The following DHH variants were observed in gnomAD, a reference collection of about 807,000 sequenced individuals.
DHH encodes the protein desert hedgehog signaling molecule.
In DHH, 16 loss-of-function variants were observed where a neutral mutation model predicts 27.6. The observed-to-expected ratio is 0.58, with a 90% CI of 0.39 to 0.88. The LOEUF is 0.88. DHH is among the 40% of genes least tolerant of loss of function. The probability of loss-of-function intolerance (pLI) is 0.00; values close to 1 mark genes in which losing one functional copy is unlikely to be tolerated. For missense variants in DHH, 436 were observed against 563.1 expected (o/e 0.77, Z 2.28); for synonymous variants, 289 against 263.4 (o/e 1.10, Z -0.94).
Position 49,091,208 on chromosome 12 carries a change from A to G in DHH, c.485T>C (p.Leu162Pro), listed in dbSNP as rs111033589. 1 of 1,614,104 alleles carries G rather than the reference A, an allele frequency of 6.2e-7. No individual in the cohort carries two copies. The highest frequency in any genetic ancestry group is 8.5e-7 in the Non-Finnish European group (1 of 1,180,044). Reference protein sequence around the residue: ...SDRDRNKYGLLARLAVEAGFD... With the variant: ...SDRDRNKYGLPARLAVEAGFD... ...GCCGGCTTCCACTGCGAGGCGCGCC[A>G]GCAACCCATACTTGTTGCGGTCGCG... Residue 162 changes from leucine to proline, a missense_variant, in exon 2 of 3, where the codon CTG (leucine) becomes CCG (proline). Coordinates refer to ENST00000649637, the MANE Select transcript of DHH (RefSeq NM_021044.4). This position sits in a 1 kb window ranked among gnomAD's most constrained non-coding sequence, Gnocchi z 4.8.
At position 49,090,431 on chromosome 12, in the gene DHH, G is replaced by T. The variant is rs776639397; in HGVS notation, c.619C>A (p.Arg207Ser). ...GGCFPGNATVRLWSGERKGLR... is the reference protein window; with the variant it reads ...GGCFPGNATVSLWSGERKGLR... ...CCTTTCCGCTCGCCGCTCCACAGGC[G>T]CACAGTTGCATTTCCCGGAAAGCAG... Residue 207 changes from arginine (R) to serine (S), a missense_variant, in exon 3 of 3, where the codon CGC becomes AGC. Transcript: ENST00000649637. This position sits in a 1 kb window ranked among gnomAD's most constrained non-coding sequence, Gnocchi z 5.2. The T allele has an allele frequency of 5.0e-6, 8 of 1,608,418 alleles. No homozygotes were observed. The highest frequency in any genetic ancestry group is 4.5e-5 in the East Asian group (2 of 44,838).
At position 49,091,721 on chromosome 12, in the gene DHH, A is replaced by G. The variant is rs1174492628; in HGVS notation, c.304-332T>C. 1.3e-5 allele frequency among the ~76,000 whole-genome samples: 2 copies of G among 152,136 alleles called. No homozygotes were observed. Among genetic ancestry groups the G allele is most frequent in the African/African-American group, 4.8e-5 (2 of 41,420 alleles). ...AGGACAGAGTTAGGAGGGCGAATGG[A>G]AGCGTGGTCAGGGAGGGCCTGGTTG... On this transcript the variant is annotated intron_variant, in intron 1 of 2. Coordinates refer to ENST00000649637, the MANE Select transcript of DHH (RefSeq NM_021044.4). The surrounding 1 kb of genome is among the most constrained non-coding windows in gnomAD (Gnocchi z 4.8).
At position 49,091,462 on chromosome 12, in the gene DHH, ATTCT is replaced by A; in HGVS notation, c.304-77_304-74del. ...AAAAGGGACCTGGATAGGAGGGTTG[ATTCT>A]TTGTTATTCCGGCCCTACTCTTACC... On this transcript the variant is annotated intron_variant, in intron 1 of 2. Coordinates refer to ENST00000649637, the MANE Select transcript of DHH (RefSeq NM_021044.4). The surrounding 1 kb of genome is among the most constrained non-coding windows in gnomAD (Gnocchi z 4.8). 6.3e-7 allele frequency: 1 copy of A among 1,578,740 alleles called. No homozygotes were observed. The highest frequency in any genetic ancestry group is 8.6e-7 in the Non-Finnish European group (1 of 1,165,124).
rs762669915 is a variant in DHH, at chr12:49,090,516, C to G, written c.566-32G>C. On this transcript the variant is annotated intron_variant, in intron 2 of 2. Coordinates refer to ENST00000649637, the MANE Select transcript of DHH (RefSeq NM_021044.4). This position sits in a 1 kb window ranked among gnomAD's most constrained non-coding sequence, Gnocchi z 5.2. Reference sequence around the variant, plus strand: ...GGAACAACCACAGGGAGGATTGAATCAAGACCAGCGGTTCCAGAACGATTC... The same window carrying G: ...GGAACAACCACAGGGAGGATTGAATGAAGACCAGCGGTTCCAGAACGATTC... 7 of 1,594,490 alleles carry G rather than the reference C, an allele frequency of 4.4e-6. No homozygotes were observed. In the East Asian group the frequency reaches 1.6e-4, roughly 36 times the overall value.
In DHH at chr12:49,088,384, C is replaced by T. The variant is rs1939240885; in HGVS notation, c.*1475G>A. ...TTCCATGTCTGAGACCGCTTGCCTT[C>T]CGTTTCAGAGAACCATATGCATAGG... is the stretch of plus-strand genomic sequence containing the variant. On this transcript the variant is annotated 3_prime_UTR_variant, in exon 3 of 3. Coordinates refer to ENST00000649637, the MANE Select transcript of DHH (RefSeq NM_021044.4). Among the ~76,000 whole-genome samples the T allele has an allele frequency of 6.6e-6, 1 of 152,200 alleles. No individual in the cohort carries two copies. Among genetic ancestry groups the T allele is most frequent in the African/African-American group, 2.4e-5 (1 of 41,440 alleles).
rs1227660853 is a variant in DHH, at chr12:49,087,525, A to G, written c.*2334T>C. 2.6e-5 allele frequency among the ~76,000 whole-genome samples: 4 copies of G among 152,308 alleles called. No homozygotes were observed. In the East Asian group the frequency reaches 5.8e-4, roughly 22 times the overall value. On this transcript the variant is annotated 3_prime_UTR_variant, in exon 3 of 3. Coordinates refer to ENST00000649637, the MANE Select transcript of DHH (RefSeq NM_021044.4). Reference sequence around the variant, plus strand: ...CAAGACCAGCCTGGGCAACGTAGCAAGACTCTGTCTCTACAGAAAATACAA... The same window carrying G: ...CAAGACCAGCCTGGGCAACGTAGCAGGACTCTGTCTCTACAGAAAATACAA...
chr12:49,089,782 T>C lies in DHH; in HGVS notation c.*77A>G. Reference sequence around the variant, plus strand: ...TCCCTCCCTTCCAGTCGGCATCGTCTGCTGCCCACAGCCCCATATCTCAGC... The same window carrying C: ...TCCCTCCCTTCCAGTCGGCATCGTCCGCTGCCCACAGCCCCATATCTCAGC... On this transcript the variant is annotated 3_prime_UTR_variant, in exon 3 of 3. Transcript: ENST00000649637. 7.0e-7 allele frequency: 1 copy of C among 1,423,790 alleles called. No individual in the cohort carries two copies. Among genetic ancestry groups the C allele is most frequent in the Non-Finnish European group, 9.2e-7 (1 of 1,084,236 alleles). 88.2% of individuals were successfully genotyped at this position (1,423,790 alleles called of 1,614,324 possible).
chr12:49,094,529 G>T lies in DHH; in HGVS notation c.-17C>A. ...GAGAGCCATGGATACAGCGGACCTCGGCCAAAAGGGAGCGTTCTTGTCCTC... is the reference window on the plus strand; with the variant it reads ...GAGAGCCATGGATACAGCGGACCTCTGCCAAAAGGGAGCGTTCTTGTCCTC... On this transcript the variant is annotated 5_prime_UTR_variant, in exon 1 of 3. Transcript: ENST00000649637. 6.4e-7 allele frequency: 1 copy of T among 1,550,672 alleles called. No homozygotes were observed. The highest frequency in any genetic ancestry group is 8.7e-7 in the Non-Finnish European group (1 of 1,147,204).
Position 49,090,100 on chromosome 12 carries a change from G to C in DHH, c.950C>G (p.Ala317Gly). Residue 317 changes from alanine to glycine, a missense_variant, in exon 3 of 3, where the codon GCG (alanine) becomes GGG (glycine). By Grantham distance (60) the Ala-to-Gly change is moderately conservative (BLOSUM62 0). Transcript: ENST00000649637. The surrounding 1 kb of genome is among the most constrained non-coding windows in gnomAD (Gnocchi z 5.2). ...GAACACGCCCACGGCTTCCTCCCGCGCCACACGGGCCACGCGCGCTGGCCG... is the reference window on the plus strand; with the variant it reads ...GAACACGCCCACGGCTTCCTCCCGCCCCACACGGGCCACGCGCGCTGGCCG... ...ALRPARVARV[A>G]REEAVGVFAP... The C allele has an allele frequency of 6.6e-7, 1 of 1,523,068 alleles. No individual in the cohort carries two copies. Among genetic ancestry groups the C allele is most frequent in the Non-Finnish European group, 8.8e-7 (1 of 1,135,656 alleles). The allele number at this position is 1,523,068 out of a possible 1,614,324, so 94.3% of individuals were successfully genotyped here.
chr12:49,094,071 C>G (rs1309605359), intron 1 of DHH, 139 bp downstream of exon 1: 1 of 972,358 alleles, frequency 1.0e-6, no homozygotes, highest in African/African-American at 1.6e-5. Flanking sequence ...GGATTTTTCC[C>G]CCCCCTGGGG....
In DHH at chr12:49,094,325, G is replaced by T; in HGVS notation, c.188C>A (p.Ala63Glu). 1 of 1,613,234 alleles carries T rather than the reference G, an allele frequency of 6.2e-7. No individual in the cohort carries two copies. The highest frequency in any genetic ancestry group is 1.1e-5 in the South Asian group (1 of 91,068). ...GGAGCCCCTTGCCACCCTCCCCTCCGCTGGCCCACTGGCGCCCAGGGTCCG... is the reference window on the plus strand; with the variant it reads ...GGAGCCCCTTGCCACCCTCCCCTCCTCTGGCCCACTGGCGCCCAGGGTCCG... ...PERTLGASGPAEGRVARGSER... is the reference protein window; with the variant it reads ...PERTLGASGPEEGRVARGSER... The change falls in exon 1 of 3, where the codon GCG becomes GAG. Residue 63 changes from alanine to glutamate, a missense_variant. Physicochemically the swap from Ala to Glu is moderately radical, Grantham distance 107. Transcript: ENST00000649637.
intron 1 of DHH, chr12:49,092,395 G>T (rs189309661): frequency 1.3e-5 from 2 of 152,474 alleles, no homozygotes; most frequent in Admixed American, 6.5e-5. Context: ...GCACCTGGGG[G>T]AGTGAGACCA....
rs756909816 is a variant in DHH, at chr12:49,094,424, A to T, written c.89T>A (p.Val30Asp). 8.1e-5 allele frequency: 131 copies of T among 1,608,356 alleles called. 2 individuals are homozygous for T. Among genetic ancestry groups the T allele is most frequent in the Non-Finnish European group, 6.8e-6 (8 of 1,177,868 alleles). ...CTTGCGCGCATAGCGGCGCCGGCCA[A>T]CCGGCCCCCGGCCCGGCCCGCAGCT... ...AQSCGPGRGP[V>D]GRRRYARKQL... Residue 30 changes from valine to aspartate, a missense_variant, in exon 1 of 3, where the codon GTT becomes GAT. By Grantham distance (152) the Val-to-Asp change is radical. Coordinates refer to ENST00000649637, the MANE Select transcript of DHH (RefSeq NM_021044.4).
At chr12:49,092,035 G>T (rs536829514) in intron 1 of DHH, among the ~76,000 whole-genome samples, 128 of 152,310 alleles carry the variant, frequency 8.4e-4, no homozygotes, top group Non-Finnish European at 1.5e-3. Context: ...TTAACCGAGC[G>T]AGAATCCTGA....
rs1463050264 is a variant in DHH at position 49,094,566 on chromosome 12, TGTCA to T, written c.-58_-55del. 2 of 1,530,476 alleles carry T rather than the reference TGTCA, an allele frequency of 1.3e-6. No individual in the cohort carries two copies. The highest frequency in any genetic ancestry group is 8.9e-7 in the Non-Finnish European group (1 of 1,129,388). 94.8% of individuals were successfully genotyped at this position (1,530,476 alleles called of 1,614,324 possible). ...GCGTTCTTGTCCTCACTAACTCTCC[TGTCA>T]GTTAGGCATCTCCACAGGCACCAGA... On this transcript the variant is annotated 5_prime_UTR_variant, in exon 1 of 3. An upstream open reading frame in the 5' UTR loses its in-frame stop. Coordinates refer to ENST00000649637, the MANE Select transcript of DHH (RefSeq NM_021044.4).
rs532085931 is a variant in DHH, at chr12:49,091,786, G to C, written c.304-397C>G. ...CTGTTTGAGCCTGGCCCCCGCCCCA[G>C]GCACCGGCTCCCCTCCCTCCGCCTG... On this transcript the variant is annotated intron_variant, in intron 1 of 2. Coordinates refer to ENST00000649637, the MANE Select transcript of DHH (RefSeq NM_021044.4). This position sits in a 1 kb window ranked among gnomAD's most constrained non-coding sequence, Gnocchi z 4.8. 1.9e-4 allele frequency among the ~76,000 whole-genome samples: 29 copies of C among 152,144 alleles called. No homozygotes were observed. The highest frequency in any genetic ancestry group is 7.0e-4 in the African/African-American group (29 of 41,518).
chr12:49,090,707 G>GTATTTATT lies in DHH; in HGVS notation c.566-224_566-223insAATAAATA, dbSNP rs576250652. Among the ~76,000 whole-genome samples, 7 of 147,646 alleles carry GTATTTATT rather than the reference G, an allele frequency of 4.7e-5. No individual in the cohort carries two copies. The highest frequency in any genetic ancestry group is 4.7e-4 in the South Asian group (2 of 4,288). On this transcript the variant is annotated intron_variant, in intron 2 of 2. Coordinates refer to ENST00000649637, the MANE Select transcript of DHH (RefSeq NM_021044.4). This position sits in a 1 kb window ranked among gnomAD's most constrained non-coding sequence, Gnocchi z 5.2. Reference sequence around the variant, plus strand: ...TGTATGTATGTATGTATGTATGTATGTATGTATTTTGAGATAGAATCTCGC... The same window carrying GTATTTATT: ...TGTATGTATGTATGTATGTATGTATGTATTTATTTATGTATTTTGAGATAGAATCTCGC...
Position 49,089,957 on chromosome 12 carries a change from C to T in DHH, c.1093G>A (p.Ala365Thr), listed in dbSNP as rs564788440. 6.3e-7 allele frequency: 1 copy of T among 1,577,608 alleles called. No homozygotes were observed. The highest frequency in any genetic ancestry group is 1.2e-5 in the South Asian group (1 of 86,338). The stretch of plus-strand genomic sequence containing the variant: ...CCGCCGGGGAGCAGCGCCCCTAGCG[C>T]GTGCAGCAGTCTCAAGGGGGCAAAA... ...RAFAPLRLLH[A>T]LGALLPGGAV... is the part of the protein sequence containing the mutation. The change falls in exon 3 of 3, where the codon GCG becomes ACG. Residue 365 changes from alanine (A) to threonine (T), a missense_variant. Transcript: ENST00000649637.
rs1939241418 is a variant in DHH, at chr12:49,088,422, T to C, written c.*1437A>G. Among the ~76,000 whole-genome samples, 1 of 152,158 alleles carries C rather than the reference T, an allele frequency of 6.6e-6. No homozygotes were observed. The highest frequency in any genetic ancestry group is 2.1e-4 in the South Asian group (1 of 4,832). ...CCATATGCATAGGCCTAGAATTCTC[T>C]TGAAGGCCACCAGAGGGCGGTGTAT... On this transcript the variant is annotated 3_prime_UTR_variant, in exon 3 of 3. Transcript: ENST00000649637.
Sources: gnomAD v4.1 joint callset for allele counts (sites outside exome capture counted in the v4.1 genomes callset) on GRCh38, gnomAD v4.1.1 for gene constraint, Gnocchi (gnomAD v3.1) non-coding constraint, MANE v1.5 for transcripts, NCBI Gene and HGNC (gene_info 2026-07-23, HGNC 2026-07-21) for gene names.